TENM2: variants seen among roughly 807,000 people sequenced by gnomAD.
TENM2 encodes the protein teneurin transmembrane protein 2, also known as teneurin-2.
In TENM2, 52 loss-of-function variants were observed where a neutral mutation model predicts 245.2. The observed-to-expected ratio is 0.21, with a 90% CI of 0.17 to 0.27. The LOEUF (loss-of-function observed/expected upper bound fraction) is 0.27. TENM2 is among the 10% of genes least tolerant of loss of function. The pLI is 1.00. For missense variants in TENM2, 3,046 were observed against 3,666.8 expected, an observed-to-expected ratio of 0.83 and a Z score of 4.37; for synonymous variants, 1,363 against 1,438.9, an observed-to-expected ratio of 0.95 and a Z score of 1.19.
intron 2 of TENM2, among the ~76,000 whole-genome samples, chr5:167,606,645 T>G (rs1777074357): frequency 6.6e-6 from 1 of 151,908 alleles, no homozygotes; most frequent in Non-Finnish European, 1.5e-5. Context: ...CACATTAGAG[T>G]CATTTGGGAA....
intron 2 of TENM2, among the ~76,000 whole-genome samples, chr5:167,716,884 ATATTT>A (rs200661613): frequency 0.16 from 21,371 of 131,744 alleles, 2,010 homozygotes; most frequent in Admixed American, 0.2. Context: ...GTCTTTTTTT[ATATTT>A]TATTTTATTT....
chr5:167,667,087 CA>C (rs558537265), intron 2 of TENM2, among the ~76,000 whole-genome samples: 1 of 152,028 alleles, frequency 6.6e-6, no homozygotes, highest in African/African-American at 2.4e-5. Flanking sequence ...TTTGTCAATG[CA>C]AAAAAATTCT....
At position 167,389,270 on chromosome 5, in the gene TENM2, A is replaced by C. The variant is rs147787433; in HGVS notation, c.502+13797A>C. Among the ~76,000 whole-genome samples the C allele has an allele frequency of 9.2e-3, 1,377 of 149,028 alleles. 12 individuals carry two copies. Among genetic ancestry groups the C allele is most frequent in the South Asian group, 0.035 (164 of 4,742 alleles). Reference sequence around the variant, plus strand: ...TTAAAATATATATATATATATATATATCCATGCATATAGGCATGAAAAAGA... The same window carrying C: ...TTAAAATATATATATATATATATATCTCCATGCATATAGGCATGAAAAAGA... On this transcript the variant is annotated intron_variant, in intron 2 of 28. Transcript: ENST00000518659.
At chr5:167,787,044 T>A (rs1764625647) in intron 2 of TENM2, among the ~76,000 whole-genome samples, 1 of 152,228 alleles carries the variant, frequency 6.6e-6, no homozygotes, top group Non-Finnish European at 1.5e-5. Flanking sequence ...ATTTTATTCA[T>A]ACAACAATCT....
At chr5:167,070,305 A>G in the TENM2 span, among the ~76,000 whole-genome samples, 3 of 54,820 alleles carry the variant, frequency 5.5e-5, no homozygotes, top group Non-Finnish European at 1.1e-4. Flanking sequence ...TTTTTTTTGT[A>G]TTTTTAGTAG....
intron 2 of TENM2, among the ~76,000 whole-genome samples, chr5:167,548,550 G>GGC: frequency 6.6e-6 from 1 of 151,048 alleles, no homozygotes; most frequent in East Asian, 2.0e-4. Flanking sequence ...ACAGGTCACA[G>GGC]ACACACACAC....
chr5:167,548,388 A>G (rs779071163), intron 2 of TENM2, among the ~76,000 whole-genome samples: 54 of 152,216 alleles, frequency 3.5e-4, no homozygotes, highest in Non-Finnish European at 6.2e-4. Context: ...TGGTTGGTGT[A>G]AACTGTCTAG....
chr5:167,739,207 T>C (rs958380011), intron 2 of TENM2, among the ~76,000 whole-genome samples: 3 of 152,130 alleles, frequency 2.0e-5, no homozygotes, highest in Non-Finnish European at 4.4e-5. Flanking sequence ...AGGGTGTAGA[T>C]TAGTTCTGTA....
chr5:167,815,511 T>C (rs1766977783), intron 2 of TENM2, among the ~76,000 whole-genome samples: 1 of 152,164 alleles, frequency 6.6e-6, no homozygotes, highest in Admixed American at 6.6e-5. Context: ...AATACAATTG[T>C]GTCTGACCAA....
At chr5:167,466,848 C>A (rs1028700018) in intron 2 of TENM2, among the ~76,000 whole-genome samples, 4 of 152,102 alleles carry the variant, frequency 2.6e-5, no homozygotes, top group African/African-American at 9.7e-5. Context: ...GGTCTCCCCA[C>A]GTACTAATAC....
rs566520530 is a variant in TENM2 at position 167,772,640 on chromosome 5, C to A, written c.503-103346C>A. Among the ~76,000 whole-genome samples, 6 of 149,058 alleles carry A rather than the reference C, an allele frequency of 4.0e-5. No homozygotes were observed. The South Asian group carries it at 8.4e-4, about 21-fold the overall frequency. ...TATCAGACCCACTTTTTTTTTTTTG[C>A]AGTTTATAATACAAAAAGCACCCTA... On this transcript the variant is annotated intron_variant, in intron 2 of 28. Coordinates refer to ENST00000518659, the Ensembl canonical transcript of TENM2.
intron 5 of TENM2, among the ~76,000 whole-genome samples, chr5:167,994,859 A>G (rs1402282874): frequency 6.6e-6 from 1 of 152,198 alleles, no homozygotes; most frequent in Non-Finnish European, 1.5e-5. Flanking sequence ...GCGGAAGGAT[A>G]TCTGTTGCCC....
chr5:167,046,043 T>C, the TENM2 span, among the ~76,000 whole-genome samples: 1 of 152,176 alleles, frequency 6.6e-6, no homozygotes. Flanking sequence ...GTCACAAAAT[T>C]TGTCAAGATT....
At chr5:167,850,322 T>C (rs1248508905) in intron 2 of TENM2, among the ~76,000 whole-genome samples, 2 of 152,188 alleles carry the variant, frequency 1.3e-5, no homozygotes, top group Admixed American at 1.3e-4. Context: ...ACATACTTTC[T>C]GAGCTACCAC....
rs1169997328 is a variant in TENM2, at chr5:167,353,593, C to T, written c.227-21605C>T. On this transcript the variant is annotated intron_variant, in intron 1 of 28. Transcript: ENST00000518659. The stretch of plus-strand genomic sequence containing the variant: ...CGGGATCTCGGCTCACTGCAAGCTC[C>T]GCCTCCCGGGTTCACGCCATTCTCC... Among the ~76,000 whole-genome samples the T allele has an allele frequency of 3.5e-5, 5 of 144,558 alleles. No individual in the cohort carries two copies. The South Asian group carries it at 9.1e-4, about 26-fold the overall frequency. The allele number at this position is 144,558 out of a possible 152,430, so 94.8% of individuals were successfully genotyped here.
At chr5:167,293,976 CTGTGTGTGTGTG>C (rs55869331) in intron 1 of TENM2, among the ~76,000 whole-genome samples, 3 of 148,650 alleles carry the variant, frequency 2.0e-5, no homozygotes, top group South Asian at 2.2e-4. Context: ...GATGTGAGTT[CTGTGTGTGTGTG>C]TGTGTGTGTG....
intron 2 of TENM2, among the ~76,000 whole-genome samples, chr5:167,508,441 A>G (rs1245323900): frequency 6.6e-6 from 1 of 152,186 alleles, no homozygotes; most frequent in Admixed American, 6.5e-5. Context: ...TTATGAGTGT[A>G]AACCTCAGCT....
At chr5:167,030,233 G>A in the TENM2 span, among the ~76,000 whole-genome samples, 2 of 152,090 alleles carry the variant, frequency 1.3e-5, no homozygotes, top group Non-Finnish European at 2.9e-5. Flanking sequence ...GGCAACAGAC[G>A]CAGACTACAG....
intron 2 of TENM2, among the ~76,000 whole-genome samples, chr5:167,530,484 T>A (rs1443854881): frequency 6.6e-6 from 1 of 152,194 alleles, no homozygotes; most frequent in Non-Finnish European, 1.5e-5. Context: ...TGGATGTTTT[T>A]TAGACCCTTA....
Sources: gnomAD v4.1 joint callset for allele counts (sites outside exome capture counted in the v4.1 genomes callset) on GRCh38, gnomAD v4.1.1 for gene constraint, MANE v1.5 for transcripts, NCBI Gene and HGNC (gene_info 2026-07-23, HGNC 2026-07-21) for gene names.